Variants in FOXO3 observed in about 807,000 individuals in gnomAD.
FOXO3 encodes forkhead box O3.
A neutral mutation model predicts 41.9 loss-of-function variants in FOXO3; 4 were observed. That is an observed-to-expected ratio of 0.10 (90% confidence interval 0.05 to 0.22). FOXO3 has a LOEUF of 0.22. FOXO3 is among the 10% of genes least tolerant of loss of function. The probability of loss-of-function intolerance (pLI) is 1.00; values close to 1 mark genes in which losing one functional copy is unlikely to be tolerated. For missense variants in FOXO3, 534 were observed against 906.8 expected (o/e 0.59, Z 5.28); for synonymous variants, 318 against 389.3 (o/e 0.82, Z 2.16).
chr6:108,638,263 A>G (rs1163675717), intron 1 of FOXO3, among the ~76,000 whole-genome samples: 1 of 152,194 alleles, frequency 6.6e-6, no homozygotes, highest in Non-Finnish European at 1.5e-5. Context: ...AGGGCCCTGG[A>G]CCTTGTGTCC....
At chr6:108,622,580 C>G (rs1475350487) in intron 1 of FOXO3, among the ~76,000 whole-genome samples, 3 of 152,044 alleles carry the variant, frequency 2.0e-5, no homozygotes, top group Non-Finnish European at 4.4e-5. Flanking sequence ...TTTCCTTCCC[C>G]TTTCTGTTGT....
chr6:108,651,182 A>T (rs567337949), intron 1 of FOXO3, among the ~76,000 whole-genome samples: 2 of 152,344 alleles, frequency 1.3e-5, no homozygotes, highest in East Asian at 3.9e-4. Context: ...GAAAATATAC[A>T]TCAATTGTTT....
At chr6:108,565,846 T>G (rs1488085030) in intron 1 of FOXO3, among the ~76,000 whole-genome samples, 2 of 152,374 alleles carry the variant, frequency 1.3e-5, no homozygotes, top group East Asian at 3.9e-4. Context: ...AATGTTATTT[T>G]AACTGCAACT....
intron 1 of FOXO3, among the ~76,000 whole-genome samples, chr6:108,572,203 A>G (rs1776121566): frequency 6.6e-6 from 1 of 152,058 alleles, no homozygotes; most frequent in Non-Finnish European, 1.5e-5. Context: ...GGTGTAGAAG[A>G]GTCTGTCTTT....
chr6:108,658,523 A>T (rs1301811852), intron 1 of FOXO3, among the ~76,000 whole-genome samples: 2 of 152,094 alleles, frequency 1.3e-5, no homozygotes, highest in Non-Finnish European at 2.9e-5. Flanking sequence ...AAGAGTAGTT[A>T]ATATTGGGGG....
chr6:108,647,581 T>G (rs564592422), intron 1 of FOXO3, among the ~76,000 whole-genome samples: 1 of 152,346 alleles, frequency 6.6e-6, no homozygotes, highest in Admixed American at 6.5e-5. Context: ...TATAGCATTC[T>G]AATTGATAAT....
At position 108,664,158 on chromosome 6, in the gene FOXO3, C is replaced by T. The variant is rs551554291; in HGVS notation, c.1325C>T (p.Ser442Phe). 2.5e-6 allele frequency: 4 copies of T among 1,613,954 alleles called. No homozygotes were observed. The South Asian group carries it at 4.4e-5, about 18-fold the overall frequency. Residue 442 changes from serine to phenylalanine, a missense_variant, in exon 2 of 3, where the codon TCC (serine) becomes TTC (phenylalanine). Ser to Phe is a radical substitution (Grantham distance 155). This residue lies in a region of FOXO3 where 185 missense variants were observed against 224.9 expected (regional missense o/e 0.82). Transcript: ENST00000406360. Reference sequence around the variant, plus strand: ...GTGTTCGGACCTTCATCTCTGAACTCCCTACGCCAGTCTCCCATGCAGACC... The same window carrying T: ...GTGTTCGGACCTTCATCTCTGAACTTCCTACGCCAGTCTCCCATGCAGACC... ...STVFGPSSLNSLRQSPMQTIQ... is the reference protein window; with the variant it reads ...STVFGPSSLNFLRQSPMQTIQ...
chr6:108,561,110 C>T lies in FOXO3; in HGVS notation c.-99C>T, dbSNP rs890060547. ...GGCGGCGGCGGCGGCGCCCGGGAGC[C>T]GGAGCCTTCGCGGCGTCCACGTCCC... On this transcript the variant is annotated 5_prime_UTR_variant, in exon 1 of 3. Transcript: ENST00000406360. 32 of 1,431,420 alleles carry T rather than the reference C, an allele frequency of 2.2e-5. No homozygotes were observed. Among genetic ancestry groups the T allele is most frequent in the Admixed American group, 3.0e-5 (1 of 33,250 alleles). The allele number at this position is 1,431,420 out of a possible 1,614,324, so 88.7% of individuals were successfully genotyped here.
chr6:108,660,541 A>G (rs1319584016), intron 1 of FOXO3, among the ~76,000 whole-genome samples: 1 of 152,226 alleles, frequency 6.6e-6, no homozygotes, highest in Non-Finnish European at 1.5e-5. Context: ...ATTATTTACT[A>G]ATGGTAAAAT....
chr6:108,666,722 AG>A (rs1395355010), intron 2 of FOXO3, among the ~76,000 whole-genome samples: 1 of 151,728 alleles, frequency 6.6e-6, no homozygotes, highest in African/African-American at 2.4e-5. Flanking sequence ...AAAAGCGGGG[AG>A]GGGAGGGAAG....
chr6:108,661,711 T>A (rs1469539211), intron 1 of FOXO3, among the ~76,000 whole-genome samples: 2 of 152,140 alleles, frequency 1.3e-5, no homozygotes, highest in Admixed American at 6.6e-5. Flanking sequence ...TGCAGACAAA[T>A]TAGATTTGTT....
intron 1 of FOXO3, among the ~76,000 whole-genome samples, chr6:108,638,628 A>G (rs1477400325): frequency 6.6e-6 from 1 of 152,198 alleles, no homozygotes; most frequent in Non-Finnish European, 1.5e-5. Flanking sequence ...TGTGATTCCC[A>G]GCCTTCTCCC....
chr6:108,663,223 T>C (rs1426501724), intron 1 of FOXO3, among the ~76,000 whole-genome samples: 1 of 152,166 alleles, frequency 6.6e-6, no homozygotes, highest in Non-Finnish European at 1.5e-5. Flanking sequence ...AATACAACAA[T>C]TAACTGGGCT....
At chr6:108,562,565 G>A (rs1320880051) in intron 1 of FOXO3, among the ~76,000 whole-genome samples, 1 of 152,094 alleles carries the variant, frequency 6.6e-6, no homozygotes, top group Admixed American at 6.5e-5. Flanking sequence ...CGCTGCTCCC[G>A]CCGAGGCCTG....
chr6:108,585,799 A>T (rs1776565610), intron 1 of FOXO3, among the ~76,000 whole-genome samples: 1 of 152,166 alleles, frequency 6.6e-6, no homozygotes, highest in Non-Finnish European at 1.5e-5. Flanking sequence ...ACTCTAAACC[A>T]CTTAAAACAC....
intron 2 of FOXO3, among the ~76,000 whole-genome samples, chr6:108,671,693 C>T (rs192092434): frequency 6.6e-6 from 1 of 152,294 alleles, no homozygotes; most frequent in East Asian, 1.9e-4. Context: ...GCAGCCACGC[C>T]AGTCTTAAAC....
intron 1 of FOXO3, among the ~76,000 whole-genome samples, chr6:108,613,380 A>G (rs970222937): frequency 6.6e-6 from 1 of 152,152 alleles, no homozygotes; most frequent in African/African-American, 2.4e-5. Context: ...TGTGTGAGGA[A>G]ATGTTTAACT....
Position 108,623,875 on chromosome 6 carries a change from T to G in FOXO3, c.622-39580T>G, listed in dbSNP as rs184498754. Among the ~76,000 whole-genome samples, 58 of 152,306 alleles carry G rather than the reference T, an allele frequency of 3.8e-4. No individual in the cohort carries two copies. In the East Asian group the frequency reaches 8.1e-3, roughly 21 times the overall value. On this transcript the variant is annotated intron_variant, in intron 1 of 2. Transcript: ENST00000406360. ...GAGTTTTCTCCTTTCATCTAAGAAATACAGAACAATCTGCAAGTTTTCTTA... is the reference window on the plus strand; with the variant it reads ...GAGTTTTCTCCTTTCATCTAAGAAAGACAGAACAATCTGCAAGTTTTCTTA...
At chr6:108,560,266 T>C (rs1162238027), upstream of FOXO3, among the ~76,000 whole-genome samples, 1 of 152,068 alleles carries the variant, frequency 6.6e-6, no homozygotes, top group African/African-American at 2.4e-5. Context: ...TCCCGACCTG[T>C]TGGAAGATTT....
Sources: allele counts gnomAD v4.1 joint callset (sites outside exome capture counted in the v4.1 genomes callset), GRCh38; gene constraint gnomAD v4.1.1; regional missense constraint gnomAD v4.1.1; transcripts MANE v1.5; gene names NCBI Gene and HGNC (gene_info 2026-07-23, HGNC 2026-07-21).